The following GRIK2 variants were observed in gnomAD, a reference collection of about 807,000 sequenced individuals.
GRIK2 encodes glutamate receptor ionotropic, kainate 2.
Under a neutral mutation model 100.3 loss-of-function variants are expected in GRIK2, and 32 were observed. The ratio of observed to expected loss-of-function variants is 0.32; its 90% confidence interval spans 0.24 to 0.43. The LOEUF (loss-of-function observed/expected upper bound fraction) is 0.43. GRIK2 is among the 20% of genes least tolerant of loss of function. The pLI is 1.00. For synonymous variants in GRIK2, 417 were observed against 389.4 expected (o/e 1.07, Z -0.83); for missense variants, 843 against 1,114.9 (o/e 0.76, Z 3.47).
intron 2 of GRIK2, among the ~76,000 whole-genome samples, chr6:101,601,806 T>C (rs1779224230): frequency 6.6e-6 from 1 of 151,824 alleles, no homozygotes; most frequent in South Asian, 2.1e-4. Context: ...ATGATGCTTA[T>C]TTGGAGCTTC....
intron 7 of GRIK2, among the ~76,000 whole-genome samples, chr6:101,793,669 A>C (rs1228937085): frequency 6.6e-6 from 1 of 152,206 alleles, no homozygotes; most frequent in Non-Finnish European, 1.5e-5. Context: ...TCAGGGACCC[A>C]GTTGAGGAGG....
chr6:101,738,265 TCAATTG>T (rs926387953), intron 7 of GRIK2, among the ~76,000 whole-genome samples: 1 of 138,636 alleles, frequency 7.2e-6, no homozygotes, highest in Admixed American at 7.0e-5. Flanking sequence ...TTGTCAAATG[TCAATTG>T]TAATTGTAAT....
At chr6:101,889,591 C>G in intron 11 of GRIK2, 49 bp from the exon 12 acceptor site, 5 of 1,027,316 alleles carry the variant, frequency 4.9e-6, no homozygotes, top group Non-Finnish European at 7.2e-6. Flanking sequence ...AATTTTTTCT[C>G]TCTTTCTTTC....
intron 2 of GRIK2, among the ~76,000 whole-genome samples, chr6:101,534,770 C>A (rs1215294536): frequency 6.6e-6 from 1 of 151,738 alleles, no homozygotes; most frequent in African/African-American, 2.4e-5. Flanking sequence ...AACTAAAACG[C>A]CATCAACAAA....
chr6:101,636,717 C>A (rs1379453850), intron 4 of GRIK2, among the ~76,000 whole-genome samples: 1 of 151,094 alleles, frequency 6.6e-6, no homozygotes, highest in Non-Finnish European at 1.5e-5. Flanking sequence ...GTAGAAGGAG[C>A]AAGTCTTATA....
intron 7 of GRIK2, among the ~76,000 whole-genome samples, chr6:101,691,449 C>A (rs1308119776): frequency 6.6e-6 from 1 of 151,930 alleles, no homozygotes; most frequent in Non-Finnish European, 1.5e-5. Context: ...AGGCGCACAC[C>A]ACCACGCCTG....
intron 7 of GRIK2, among the ~76,000 whole-genome samples, chr6:101,745,308 T>A (rs1157174087): frequency 2.0e-5 from 3 of 152,142 alleles, no homozygotes; most frequent in Non-Finnish European, 4.4e-5. Flanking sequence ...TCAGAATGAA[T>A]AACCTTCACA....
intron 14 of GRIK2, among the ~76,000 whole-genome samples, chr6:101,964,310 A>G (rs1446198329): frequency 6.6e-6 from 1 of 151,952 alleles, no homozygotes; most frequent in African/African-American, 2.4e-5. Context: ...TTATTATATT[A>G]TTGTTATCAA....
chr6:101,585,191 G>A (rs1038519349), intron 2 of GRIK2, among the ~76,000 whole-genome samples: 11 of 152,088 alleles, frequency 7.2e-5, no homozygotes, highest in Middle Eastern at 3.4e-3. Flanking sequence ...TAAGATAGAC[G>A]TTTGGTCAAA....
At chr6:101,528,244 G>A (rs918378374) in intron 2 of GRIK2, among the ~76,000 whole-genome samples, 2 of 152,048 alleles carry the variant, frequency 1.3e-5, no homozygotes, top group African/African-American at 4.8e-5. Context: ...AAAACATGTG[G>A]GGCCAGATGA....
At chr6:101,825,703 A>G (rs1337225122) in intron 10 of GRIK2, among the ~76,000 whole-genome samples, 1 of 152,102 alleles carries the variant, frequency 6.6e-6, no homozygotes, top group Non-Finnish European at 1.5e-5. Flanking sequence ...ATGGTTGAAG[A>G]CTATTTTATT....
At chr6:101,617,202 G>T (rs1779930472) in intron 2 of GRIK2, among the ~76,000 whole-genome samples, 1 of 151,596 alleles carries the variant, frequency 6.6e-6, no homozygotes. Context: ...GTGCACACAT[G>T]ATACAAGTAA....
intron 14 of GRIK2, among the ~76,000 whole-genome samples, chr6:101,973,808 A>T (rs1793205731): frequency 2.6e-5 from 4 of 151,942 alleles, no homozygotes. Flanking sequence ...CATTATTGTT[A>T]TCAAATAGGT....
At chr6:101,961,640 G>A (rs558367029) in intron 14 of GRIK2, among the ~76,000 whole-genome samples, 1 of 152,224 alleles carries the variant, frequency 6.6e-6, no homozygotes, top group Non-Finnish European at 1.5e-5. Context: ...GTAATCTTCA[G>A]CTCACAAGTG....
chr6:101,649,195 G>T (rs1008911816), intron 4 of GRIK2, among the ~76,000 whole-genome samples: 4 of 152,010 alleles, frequency 2.6e-5, no homozygotes, highest in African/African-American at 9.7e-5. Context: ...CTTTCAAGAA[G>T]GTAGTTTAGG....
chr6:101,692,722 C>T (rs1024753978), intron 7 of GRIK2, among the ~76,000 whole-genome samples: 8 of 151,736 alleles, frequency 5.3e-5, no homozygotes, highest in African/African-American at 1.2e-4. Flanking sequence ...AGTATTTTGT[C>T]GAAAAATGTG....
intron 15 of GRIK2, 135 bp downstream of exon 15, chr6:102,035,701 A>G: frequency 1.7e-6 from 1 of 583,096 alleles, no homozygotes; most frequent in Non-Finnish European, 3.2e-6. Context: ...CTCTGATTGT[A>G]TAAAAGCAGG....
At chr6:101,445,948 A>G (rs1336236418) in intron 2 of GRIK2, among the ~76,000 whole-genome samples, 1 of 152,042 alleles carries the variant, frequency 6.6e-6, no homozygotes, top group Non-Finnish European at 1.5e-5. Context: ...TAAGGCCCTA[A>G]TATTATAATC....
chr6:101,872,619 T>A (rs952663547), intron 11 of GRIK2, among the ~76,000 whole-genome samples: 1 of 151,812 alleles, frequency 6.6e-6, no homozygotes, highest in African/African-American at 2.4e-5. Context: ...TTTTATTCTT[T>A]CACCTCTTTG....
Sources: gnomAD v4.1 joint callset for allele counts (sites outside exome capture counted in the v4.1 genomes callset) on GRCh38, gnomAD v4.1.1 for gene constraint, MANE v1.5 for transcripts, NCBI Gene and HGNC (gene_info 2026-07-23, HGNC 2026-07-21) for gene names.